GATB: variants seen among roughly 807,000 people sequenced by gnomAD.
GATB encodes the protein glutamyl-tRNA(Gln) amidotransferase subunit B, mitochondrial.
Under a neutral mutation model 62.3 loss-of-function variants are expected in GATB, and 39 were observed. The observed-to-expected ratio is 0.63, with a 90% CI of 0.48 to 0.82. The LOEUF (loss-of-function observed/expected upper bound fraction) is 0.82, where lower values mean the gene tolerates loss of function less well. GATB is among the 40% of genes least tolerant of loss of function. The pLI is 0.00. For synonymous variants in GATB, 276 were observed against 258.9 expected, an observed-to-expected ratio of 1.07 and a Z score of -0.63; for missense variants, 670 against 684.0, an observed-to-expected ratio of 0.98 and a Z score of 0.23.
chr4:151,708,327 TG>T (rs1385168596), intron 5 of GATB, among the ~76,000 whole-genome samples: 1 of 152,232 alleles, frequency 6.6e-6, no homozygotes, highest in Non-Finnish European at 1.5e-5. Context: ...TGCCTGTACA[TG>T]TGAACATATA....
chr4:151,695,302 C>T (rs1413940034), intron 9 of GATB, among the ~76,000 whole-genome samples: 3 of 152,122 alleles, frequency 2.0e-5, no homozygotes, highest in African/African-American at 7.2e-5. Flanking sequence ...GTAAGTGAGT[C>T]ATCGCCCCCT....
chr4:151,743,792 T>C (rs1018879878), intron 2 of GATB, among the ~76,000 whole-genome samples: 4 of 152,232 alleles, frequency 2.6e-5, no homozygotes, highest in Non-Finnish European at 4.4e-5. Flanking sequence ...AGCATCCATG[T>C]ACTTTCTTTT....
intron 2 of GATB, among the ~76,000 whole-genome samples, chr4:151,726,578 T>C (rs1442666264): frequency 6.6e-6 from 1 of 152,218 alleles, no homozygotes; most frequent in Non-Finnish European, 1.5e-5. Flanking sequence ...TTTCCTCTTT[T>C]GTTTAAATCC....
chr4:151,703,999 A>G (rs192893339), intron 7 of GATB, 104 bp from the exon 8 acceptor site: 6 of 704,870 alleles, frequency 8.5e-6, no homozygotes, highest in South Asian at 7.2e-5. Context: ...GCAAAATCAA[A>G]CTCTGTGGAC....
intron 2 of GATB, among the ~76,000 whole-genome samples, chr4:151,750,182 CT>C (rs1372176271): frequency 6.6e-6 from 1 of 152,174 alleles, no homozygotes; most frequent in Non-Finnish European, 1.5e-5. Context: ...CGCCCAGCCC[CT>C]AACTTAAGTT....
chr4:151,754,619 T>C (rs1739787739), intron 2 of GATB, among the ~76,000 whole-genome samples: 1 of 152,190 alleles, frequency 6.6e-6, no homozygotes, highest in African/African-American at 2.4e-5. Context: ...AGAAAGACTA[T>C]ACATTATAAC....
At chr4:151,754,131 G>A (rs933074880) in intron 2 of GATB, among the ~76,000 whole-genome samples, 3 of 151,746 alleles carry the variant, frequency 2.0e-5, no homozygotes, top group East Asian at 1.9e-4. Flanking sequence ...CTCTCCTTAC[G>A]TCTTCTTACC....
intron 3 of GATB, among the ~76,000 whole-genome samples, chr4:151,717,651 C>T (rs1446046086): frequency 6.6e-6 from 1 of 152,146 alleles, no homozygotes; most frequent in Non-Finnish European, 1.5e-5. Flanking sequence ...TGTGACACTC[C>T]CCCTCCATTA....
intron 11 of GATB, 110 bp downstream of exon 11, chr4:151,679,703 G>T (rs1227294252): frequency 1.1e-6 from 1 of 881,100 alleles, no homozygotes; most frequent in Non-Finnish European, 1.9e-6. Flanking sequence ...ACCACTACTG[G>T]CATTTAATAC....
At chr4:151,725,413 T>C (rs1739119128) in intron 2 of GATB, among the ~76,000 whole-genome samples, 3 of 152,222 alleles carry the variant, frequency 2.0e-5, no homozygotes, top group Admixed American at 2.0e-4. Context: ...ATACATACAG[T>C]TCTATGTTCA....
chr4:151,687,187 T>G (rs2406973), intron 10 of GATB: 63,591 of 152,028 alleles, frequency 0.42, 13,791 homozygotes, highest in South Asian at 0.57. Flanking sequence ...ACCAACGAGA[T>G]AACTCTCAAC....
chr4:151,745,423 C>T (rs1339946660), intron 2 of GATB, among the ~76,000 whole-genome samples: 3 of 152,184 alleles, frequency 2.0e-5, no homozygotes, highest in African/African-American at 7.2e-5. Flanking sequence ...AAGTTATCAC[C>T]AATATCTTCT....
chr4:151,704,270 C>T (rs899610575), intron 7 of GATB, among the ~76,000 whole-genome samples: 19 of 152,066 alleles, frequency 1.2e-4, no homozygotes, highest in Non-Finnish European at 2.1e-4. Context: ...CACTCTGTTC[C>T]GCCTCTAGCT....
Position 151,719,550 on chromosome 4 carries a change from C to A in GATB, c.328-12G>T. 3 of 1,567,554 alleles carry A rather than the reference C, an allele frequency of 1.9e-6. No homozygotes were observed. Among genetic ancestry groups the A allele is most frequent in the Non-Finnish European group, 2.6e-6 (3 of 1,149,642 alleles). On this transcript the variant is annotated splice_polypyrimidine_tract_variant and intron_variant, in intron 2 of 12. Coordinates refer to ENST00000263985, the MANE Select transcript of GATB (RefSeq NM_004564.3). ...CTCCTGTTGAGAACCTATGGGAACACAACACACAGTTCCTCTCAGAACCGC... is the reference window on the plus strand; with the variant it reads ...CTCCTGTTGAGAACCTATGGGAACAAAACACACAGTTCCTCTCAGAACCGC...
chr4:151,697,693 A>C (rs890650789), intron 9 of GATB, among the ~76,000 whole-genome samples: 7 of 148,698 alleles, frequency 4.7e-5, no homozygotes, highest in Admixed American at 6.7e-5. Flanking sequence ...AGAAAAGCTA[A>C]CATTGCTTCT....
Position 151,671,228 on chromosome 4 carries a change from G to A in GATB, c.1620C>T (p.Ser540=). Residue 540 remains serine (S), a synonymous_variant, in exon 13 of 13, where the codon AGC becomes AGT. Transcript: ENST00000263985. ...CCTTTATCATGACTGGATCTGCTCG[G>A]CTTTGAGTCGCTTTCCGGACCAACC... ...LIGLVRKATQ[S]RADPVMIKEI... is the part of the protein sequence containing the mutation. 1 of 1,614,050 alleles carries A rather than the reference G, an allele frequency of 6.2e-7. No individual in the cohort carries two copies. Among genetic ancestry groups the A allele is most frequent in the Non-Finnish European group, 8.5e-7 (1 of 1,179,980 alleles).
At chr4:151,696,811 G>A (rs1738480348) in intron 9 of GATB, among the ~76,000 whole-genome samples, 1 of 152,224 alleles carries the variant, frequency 6.6e-6, no homozygotes, top group Admixed American at 6.5e-5. Flanking sequence ...AAATCAGCCA[G>A]GGAGGATTTT....
chr4:151,727,413 C>T (rs1739157818), intron 2 of GATB, among the ~76,000 whole-genome samples: 1 of 152,244 alleles, frequency 6.6e-6, no homozygotes, highest in Admixed American at 6.5e-5. Context: ...AATGGCCCAA[C>T]TGCTACGGCA....
chr4:151,693,772 A>C (rs1475444317), intron 9 of GATB, among the ~76,000 whole-genome samples: 5 of 152,224 alleles, frequency 3.3e-5, no homozygotes, highest in Non-Finnish European at 7.3e-5. Flanking sequence ...TGTTCCCAGG[A>C]AAGCTGGAAA....
Sources: allele counts gnomAD v4.1 joint callset (sites outside exome capture counted in the v4.1 genomes callset), GRCh38; gene constraint gnomAD v4.1.1; transcripts MANE v1.5; gene names NCBI Gene and HGNC (gene_info 2026-07-23, HGNC 2026-07-21).